The following NPAS3 variants were observed in gnomAD, a reference collection of about 807,000 sequenced individuals.
NPAS3 encodes the protein neuronal PAS domain protein 3.
A neutral mutation model predicts 73.1 loss-of-function variants in NPAS3; 14 were observed. The ratio of observed to expected loss-of-function variants is 0.19; its 90% CI spans 0.13 to 0.30. NPAS3 has a LOEUF of 0.30. Among genes scored for constraint, NPAS3 ranks in the 10% least tolerant of loss-of-function variants. NPAS3 has a pLI of 1.00. For missense variants in NPAS3, 1,096 were observed against 1,250.0 expected (o/e 0.88, Z 1.86); for synonymous variants, 620 against 541.5 (o/e 1.14, Z -2.01).
intron 7 of NPAS3, among the ~76,000 whole-genome samples, chr14:33,755,518 C>T (rs901960304): frequency 2.0e-5 from 3 of 152,044 alleles, no homozygotes; most frequent in East Asian, 1.9e-4. Context: ...TGAATTGCCT[C>T]GGGGGAAAGG....
chr14:32,959,625 A>C (rs2036824357), intron 1 of NPAS3, among the ~76,000 whole-genome samples: 1 of 152,218 alleles, frequency 6.6e-6, no homozygotes, highest in African/African-American at 2.4e-5. Flanking sequence ...AGACTTAATT[A>C]CGACTATGAT....
rs947057537 is a variant in NPAS3 at position 33,735,366 on chromosome 14, C to T, written c.852+34C>T. The T allele has an allele frequency of 4.3e-6, 6 of 1,409,172 alleles. No homozygotes were observed. In the Admixed American group the frequency reaches 1.0e-4, roughly 24 times the overall value. The allele number at this position is 1,409,172 out of a possible 1,614,324, so 87.3% of individuals were successfully genotyped here. A position where few individuals can be genotyped will look rare whatever the true frequency, so the allele number is the denominator to read the frequency against. On this transcript the variant is annotated intron_variant, in intron 7 of 11. Coordinates refer to ENST00000356141, the Ensembl canonical transcript of NPAS3. The stretch of plus-strand genomic sequence containing the variant: ...GTTCCGGGAGGGGAGACATTGCTGT[C>T]TCAGGCCAGTCCTAGGTAATTTGCA...
rs371230319 is a variant in NPAS3, at chr14:33,365,201, CA to C, written c.386-1964del. ...CAAAAGCCACCCACCCCCATAATCT[CA>C]AAAAAAAAAAAAAAAAAAAAGGCTG... On this transcript the variant is annotated intron_variant, in intron 3 of 11. Transcript: ENST00000356141. Among the ~76,000 whole-genome samples, 141 of 45,060 alleles carry C rather than the reference CA, an allele frequency of 3.1e-3. 1 individual carries two copies. The highest frequency in any genetic ancestry group is 0.025 in the East Asian group (34 of 1,352). The allele number at this position is 45,060 out of a possible 152,430, so 29.6% of individuals were successfully genotyped here. A position where few individuals can be genotyped will look rare whatever the true frequency, so the allele number is the denominator to read the frequency against.
chr14:33,630,961 A>G (rs982303970), intron 5 of NPAS3, among the ~76,000 whole-genome samples: 3 of 152,224 alleles, frequency 2.0e-5, no homozygotes, highest in African/African-American at 7.2e-5. Flanking sequence ...TGGTGGTCTG[A>G]GACTATTCTT....
intron 4 of NPAS3, among the ~76,000 whole-genome samples, chr14:33,461,638 C>A (rs897981704): frequency 6.6e-6 from 1 of 152,184 alleles, no homozygotes; most frequent in Non-Finnish European, 1.5e-5. Flanking sequence ...TAGCCTTAAG[C>A]AGAACCACTG....
At chr14:33,591,692 C>T (rs1004663101) in intron 5 of NPAS3, among the ~76,000 whole-genome samples, 1 of 152,096 alleles carries the variant, frequency 6.6e-6, no homozygotes, top group Non-Finnish European at 1.5e-5. Context: ...TAGGTATGTC[C>T]CCCCAAATTT....
At chr14:33,494,003 A>G (rs2052038032) in intron 4 of NPAS3, among the ~76,000 whole-genome samples, 1 of 152,154 alleles carries the variant, frequency 6.6e-6, no homozygotes, top group African/African-American at 2.4e-5. Flanking sequence ...TTTAGCAAGT[A>G]TTACATATTA....
intron 2 of NPAS3, among the ~76,000 whole-genome samples, chr14:33,186,261 C>T (rs2045972177): frequency 6.6e-6 from 1 of 152,192 alleles, no homozygotes; most frequent in South Asian, 2.1e-4. Flanking sequence ...TGTGCCTGTG[C>T]ACTTGGAGAC....
chr14:33,051,034 G>T (rs1437842654), intron 1 of NPAS3, among the ~76,000 whole-genome samples: 1 of 151,978 alleles, frequency 6.6e-6, no homozygotes, highest in Admixed American at 6.6e-5. Context: ...CAGCACTTTG[G>T]GAGGCCGAGG....
chr14:33,632,803 C>T lies in NPAS3; in HGVS notation c.559-43408C>T, dbSNP rs150198270. On this transcript the variant is annotated intron_variant, in intron 5 of 11. Transcript: ENST00000356141. The stretch of plus-strand genomic sequence containing the variant: ...TGCCAAACTAATGTGCTGAAAACTG[C>T]CCTCAAGAGATGACCTAAGTAAGCC... Among the ~76,000 whole-genome samples, 482 of 152,286 alleles carry T rather than the reference C, an allele frequency of 3.2e-3. 8 individuals carry two copies. The highest frequency in any genetic ancestry group is 0.023 in the Admixed American group (358 of 15,300).
intron 6 of NPAS3, among the ~76,000 whole-genome samples, chr14:33,682,149 C>A (rs1289759554): frequency 6.6e-6 from 1 of 152,148 alleles, no homozygotes; most frequent in East Asian, 1.9e-4. Flanking sequence ...CATTTAATTG[C>A]TTTCCATATT....
At chr14:33,014,521 A>G (rs2039325903) in intron 1 of NPAS3, among the ~76,000 whole-genome samples, 2 of 152,216 alleles carry the variant, frequency 1.3e-5, no homozygotes, top group African/African-American at 4.8e-5. Context: ...ATCATTATTA[A>G]TATAGTCTTT....
chr14:33,448,257 A>T (rs2049613383), intron 4 of NPAS3, among the ~76,000 whole-genome samples: 1 of 152,226 alleles, frequency 6.6e-6, no homozygotes, highest in African/African-American at 2.4e-5. Context: ...CTTGGATGAG[A>T]TCCTCTAAGA....
chr14:33,284,778 ATCTATCTATC>A, intron 3 of NPAS3, among the ~76,000 whole-genome samples: 1 of 113,880 alleles, frequency 8.8e-6, no homozygotes, highest in East Asian at 6.4e-4. Context: ...CTATCTATCT[ATCTATCTATC>A]TATCTATCTA....
At chr14:33,495,209 A>G (rs2139852558) in intron 4 of NPAS3, among the ~76,000 whole-genome samples, 1 of 152,094 alleles carries the variant, frequency 6.6e-6, no homozygotes, top group Middle Eastern at 3.4e-3. Context: ...GAACTTCTTT[A>G]TTTCTGCCTT....
At chr14:33,780,198 G>A (rs1417297193) in intron 9 of NPAS3, among the ~76,000 whole-genome samples, 1 of 152,214 alleles carries the variant, frequency 6.6e-6, no homozygotes, top group Non-Finnish European at 1.5e-5. Context: ...TGTGTGTCTT[G>A]ATATTGCACA....
rs865903413 is a variant in NPAS3 at position 33,255,644 on chromosome 14, C to G, written c.385+40218C>G. ...TCCAATGTTGGGTAGGGTGACTCAG[C>G]CTGGTCTCACCCTGTTATAGATAAA... On this transcript the variant is annotated intron_variant, in intron 3 of 11. Coordinates refer to ENST00000356141, the Ensembl canonical transcript of NPAS3. Among the ~76,000 whole-genome samples, 9 of 152,136 alleles carry G rather than the reference C, an allele frequency of 5.9e-5. No homozygotes were observed. The South Asian group carries it at 6.2e-4, about 11-fold the overall frequency.
intron 3 of NPAS3, among the ~76,000 whole-genome samples, chr14:33,263,406 G>A (rs1482985429): frequency 6.6e-6 from 1 of 152,068 alleles, no homozygotes; most frequent in African/African-American, 2.4e-5. Context: ...TTTTTCTCAG[G>A]TTTGTCAAAG....
chr14:33,208,274 C>T (rs2046905608), intron 2 of NPAS3, among the ~76,000 whole-genome samples: 1 of 152,126 alleles, frequency 6.6e-6, no homozygotes, highest in South Asian at 2.1e-4. Context: ...TCAAGGTGAA[C>T]ATCAGTTGAA....
Sources: gnomAD v4.1 joint callset for allele counts (sites outside exome capture counted in the v4.1 genomes callset) on GRCh38, gnomAD v4.1.1 for gene constraint, MANE v1.5 for transcripts, NCBI Gene and HGNC (gene_info 2026-07-23, HGNC 2026-07-21) for gene names.